The following PTBP2 variants were observed in gnomAD, a reference collection of about 807,000 sequenced individuals.
The protein encoded by PTBP2 is polypyrimidine tract binding protein 2.
PTBP2 carries 13 observed loss-of-function variants against 61.4 expected under a neutral mutation model. That is an observed-to-expected ratio of 0.21 (90% CI 0.14 to 0.34). The LOEUF (loss-of-function observed/expected upper bound fraction) is 0.34. Ranked by LOEUF, PTBP2 falls within the 10% of genes least tolerant of loss-of-function variation. PTBP2 has a pLI of 1.00. For missense variants in PTBP2, 405 were observed against 642.6 expected (o/e 0.63, Z 4.00); for synonymous variants, 215 against 218.5 (o/e 0.98, Z 0.14).
intron 1 of PTBP2, among the ~76,000 whole-genome samples, chr1:96,723,150 C>A (rs1234048543): frequency 6.6e-6 from 1 of 151,672 alleles, no homozygotes; most frequent in East Asian, 1.9e-4. Context: ...CAGAGAAGTT[C>A]AGTATTCCCC....
At chr1:96,759,613 C>T (rs1655563976) in intron 3 of PTBP2, among the ~76,000 whole-genome samples, 1 of 152,098 alleles carries the variant, frequency 6.6e-6, no homozygotes, top group African/African-American at 2.4e-5. Context: ...GATATACTTG[C>T]AACTTTGGGA....
chr1:96,757,896 C>T (rs1288266949), intron 3 of PTBP2, among the ~76,000 whole-genome samples: 2 of 151,716 alleles, frequency 1.3e-5, no homozygotes, highest in Non-Finnish European at 2.9e-5. Context: ...TGGATACTAC[C>T]CAAGGGTGTG....
At chr1:96,797,836 C>T (rs887369154) in intron 8 of PTBP2, among the ~76,000 whole-genome samples, 2 of 152,106 alleles carry the variant, frequency 1.3e-5, no homozygotes, top group African/African-American at 4.8e-5. Flanking sequence ...TTGCAGTACA[C>T]CATTGTTTTA....
rs1156648745 is a variant in PTBP2 at position 96,760,863 on chromosome 1, A to G, written c.116-8840A>G. 2.6e-5 allele frequency among the ~76,000 whole-genome samples: 4 copies of G among 152,172 alleles called. No homozygotes were observed. In the South Asian group the frequency reaches 8.3e-4, roughly 32 times the overall value. The stretch of plus-strand genomic sequence containing the variant: ...TGTAAAACTTGTATGTGTATCAAAA[A>G]CTTTACTGATAATGGTCCCAAACTT... On this transcript the variant is annotated intron_variant, in intron 3 of 13. Transcript: ENST00000674951.
rs748933956 is a variant in PTBP2 at position 96,770,763 on chromosome 1, C to G, written c.344C>G (p.Ser115Cys). 1 of 1,609,874 alleles carries G rather than the reference C, an allele frequency of 6.2e-7. No individual in the cohort carries two copies. The highest frequency in any genetic ancestry group is 2.2e-5 in the East Asian group (1 of 44,734). ...GCTATTACTATGGTTAATTACTATT[C>G]TGCTGTGACACCTCATCTTCGTAAC... ...EAAITMVNYY[S>C]AVTPHLRNQP... is the part of the protein sequence containing the mutation. Residue 115 changes from serine (S) to cysteine (C), a missense_variant, in exon 5 of 14, where the codon TCT becomes TGT. By Grantham distance (112) the Ser-to-Cys change is moderately radical. Around this residue, in one of 4 missense-constraint regions of PTBP2, gnomAD observed 342 missense variants for 491.2 expected, o/e 0.70. Coordinates refer to ENST00000674951, the MANE Select transcript of PTBP2 (RefSeq NM_021190.4).
exon 14 of PTBP2, chr1:96,820,084 A>T (rs1662634421): frequency 6.6e-6 from 1 of 152,026 alleles, no homozygotes; most frequent in African/African-American, 2.4e-5. Flanking sequence ...GACATAAGAG[A>T]CATTTAAAAA....
chr1:96,738,349 A>C (rs1158698466), intron 2 of PTBP2, among the ~76,000 whole-genome samples: 1 of 152,076 alleles, frequency 6.6e-6, no homozygotes, highest in Non-Finnish European at 1.5e-5. Flanking sequence ...GCTGGAGTGC[A>C]GTGGTGGGAT....
Position 96,727,833 on chromosome 1 carries a change from T to C in PTBP2, c.39+4239T>C, listed in dbSNP as rs145862809. 5.4e-4 allele frequency among the ~76,000 whole-genome samples: 83 copies of C among 152,310 alleles called. 2 individuals are homozygous for C. In the East Asian group the frequency reaches 0.015, roughly 27 times the overall value. On this transcript the variant is annotated intron_variant, in intron 2 of 13. Coordinates refer to ENST00000674951, the MANE Select transcript of PTBP2 (RefSeq NM_021190.4). The stretch of plus-strand genomic sequence containing the variant: ...ATATTTTCTGCCACTCATCTTCTTA[T>C]TCTCGCATTGTCTTTTGAAGAGCAA...
At chr1:96,806,389 T>A (rs779028694) in intron 9 of PTBP2, 30 bp from the exon 10 acceptor site, 1 of 1,512,770 alleles carries the variant, frequency 6.6e-7, no homozygotes, top group Non-Finnish European at 9.2e-7. Context: ...CTTCTTGTCT[T>A]ACGCTGCTTG....
At chr1:96,756,978 G>A (rs1237314558) in intron 3 of PTBP2, among the ~76,000 whole-genome samples, 1 of 152,144 alleles carries the variant, frequency 6.6e-6, no homozygotes, top group Admixed American at 6.5e-5. Flanking sequence ...GTAACAATGT[G>A]CCATCTGGTG....
intron 8 of PTBP2, among the ~76,000 whole-genome samples, chr1:96,801,994 G>A (rs1470679954): frequency 2.0e-5 from 3 of 151,582 alleles, no homozygotes; most frequent in African/African-American, 7.3e-5. Flanking sequence ...GGTGGATCAC[G>A]AGGTCAGGAG....
At chr1:96,767,771 T>C (rs1342935797) in intron 3 of PTBP2, among the ~76,000 whole-genome samples, 1 of 152,168 alleles carries the variant, frequency 6.6e-6, no homozygotes, top group Non-Finnish European at 1.5e-5. Context: ...AAGTTCAGTC[T>C]CTTCCTTTTG....
intron 2 of PTBP2, chr1:96,749,521 T>A: frequency 2.9e-6 from 1 of 347,448 alleles, no homozygotes; most frequent in East Asian, 7.9e-5. Context: ...TTTTTGTTTC[T>A]TACTTTTAGA....
chr1:96,812,866 T>G lies in PTBP2; in HGVS notation c.1326T>G (p.Pro442=). 6.2e-7 allele frequency: 1 copy of G among 1,613,938 alleles called. No homozygotes were observed. Among genetic ancestry groups the G allele is most frequent in the Non-Finnish European group, 8.5e-7 (1 of 1,179,866 alleles). The change falls in exon 12 of 14, where the codon CCT becomes CCG. Residue 442 remains proline (P), a synonymous_variant. Transcript: ENST00000674951. The part of the protein sequence containing the change: ...GNSPLHRFKK[P]GSKNFQNIFP... ...CCCCATTGCATCGTTTTAAGAAACC[T>G]GGATCCAAAAATTTTCAAAACATTT...
chr1:96,749,360 A>G (rs1654249285), intron 2 of PTBP2, among the ~76,000 whole-genome samples: 1 of 152,202 alleles, frequency 6.6e-6, no homozygotes, highest in South Asian at 2.1e-4. Context: ...GCTGATAATA[A>G]TACATTTGAA....
At chr1:96,761,745 GTTTTTTA>G (rs1655903724) in intron 3 of PTBP2, among the ~76,000 whole-genome samples, 1 of 151,982 alleles carries the variant, frequency 6.6e-6, no homozygotes, top group South Asian at 2.1e-4. Context: ...TTTGTTTTTT[GTTTTTTA>G]TTTTTTATTG....
At chr1:96,727,484 A>G (rs557362624) in intron 2 of PTBP2, among the ~76,000 whole-genome samples, 14 of 152,166 alleles carry the variant, frequency 9.2e-5, no homozygotes, top group Non-Finnish European at 1.9e-4. Flanking sequence ...ACTTTTTAAA[A>G]GTAGTTGTAC....
At chr1:96,770,404 G>A (rs1046407539) in intron 4 of PTBP2, among the ~76,000 whole-genome samples, 5 of 151,906 alleles carry the variant, frequency 3.3e-5, no homozygotes, top group African/African-American at 1.2e-4. Flanking sequence ...GGTAGAAGTG[G>A]TAAAATTCTG....
chr1:96,799,771 A>G (rs1336947086), intron 8 of PTBP2, among the ~76,000 whole-genome samples: 1 of 152,098 alleles, frequency 6.6e-6, no homozygotes, highest in East Asian at 1.9e-4. Context: ...GAACAGAACT[A>G]TTTTCTAGAA....
Sources: gnomAD v4.1 joint callset for allele counts (sites outside exome capture counted in the v4.1 genomes callset) on GRCh38, gnomAD v4.1.1 for gene constraint, gnomAD v4.1.1 regional missense constraint, MANE v1.5 for transcripts, NCBI Gene and HGNC (gene_info 2026-07-23, HGNC 2026-07-21) for gene names.